SPIRE1: variants seen among roughly 807,000 people sequenced by gnomAD.
The protein encoded by SPIRE1 is spire type actin nucleation factor 1.
SPIRE1 carries 40 observed loss-of-function variants against 94.1 expected under a neutral mutation model. The ratio of observed to expected loss-of-function variants is 0.43; its 90% CI spans 0.33 to 0.55. The LOEUF (loss-of-function observed/expected upper bound fraction) is 0.55, where lower values mean the gene tolerates loss of function less well. SPIRE1 is among the 20% of genes least tolerant of loss of function. SPIRE1 has a pLI of 0.06. For missense variants in SPIRE1, 838 were observed against 975.2 expected (o/e 0.86, Z 1.87); for synonymous variants, 376 against 371.7 (o/e 1.01, Z -0.13).
intron 8 of SPIRE1, among the ~76,000 whole-genome samples, chr18:12,491,413 C>T (rs1377540904): frequency 6.6e-6 from 1 of 151,792 alleles, no homozygotes; most frequent in South Asian, 2.1e-4. Context: ...GTTACAATAA[C>T]AAAAACAGCA....
intron 2 of SPIRE1, among the ~76,000 whole-genome samples, chr18:12,607,598 C>CACACAT (rs1156474537): frequency 7.9e-3 from 69 of 8,750 alleles, no homozygotes; most frequent in African/African-American, 0.016. Context: ...CACAGCACTA[C>CACACAT]ACACACACAC....
chr18:12,499,159 A>G (rs2033567985), intron 6 of SPIRE1, among the ~76,000 whole-genome samples: 1 of 152,202 alleles, frequency 6.6e-6, no homozygotes. Context: ...AGTGACTGAT[A>G]TTGGTCCCCT....
At chr18:12,659,628 C>T (rs920317501), upstream of SPIRE1, among the ~76,000 whole-genome samples, 1 of 152,102 alleles carries the variant, frequency 6.6e-6, no homozygotes, top group Non-Finnish European at 1.5e-5. Flanking sequence ...CAAGATCACA[C>T]CACTGCACTC....
chr18:12,535,572 T>C lies in SPIRE1; in HGVS notation c.633A>G (p.Ser211=). ...CTGCCTGATAATGATTTGGTGCATC[T>C]GATTCAGTAGGGAGATGAGCAGCAC... The part of the protein sequence containing the change: ...KLCAAHLPTE[S]DAPNHYQAVC... Residue 211 remains serine (S), a synonymous_variant, in exon 4 of 17, where the codon TCA becomes TCG. Transcript: ENST00000409402. 3 of 1,613,108 alleles carry C rather than the reference T, an allele frequency of 1.9e-6. No homozygotes were observed. The highest frequency in any genetic ancestry group is 1.1e-5 in the South Asian group (1 of 91,064).
At chr18:12,589,632 A>G (rs1019898775) in intron 2 of SPIRE1, among the ~76,000 whole-genome samples, 2 of 152,194 alleles carry the variant, frequency 1.3e-5, no homozygotes, top group Admixed American at 6.5e-5. Context: ...TTTCTAAAAA[A>G]ATCTTCTGTG....
chr18:12,469,918 T>A (rs1433502555), intron 10 of SPIRE1, among the ~76,000 whole-genome samples: 3 of 151,560 alleles, frequency 2.0e-5, no homozygotes, highest in East Asian at 3.9e-4. Flanking sequence ...GAAAACCACA[T>A]AACATATTAA....
chr18:12,486,475 A>C (rs2033045932), intron 8 of SPIRE1, among the ~76,000 whole-genome samples: 1 of 152,196 alleles, frequency 6.6e-6, no homozygotes. Flanking sequence ...TTCTCAGTTC[A>C]GCTAGTTCAG....
chr18:12,618,866 G>C (rs2037384281), intron 2 of SPIRE1, among the ~76,000 whole-genome samples: 1 of 149,382 alleles, frequency 6.7e-6, no homozygotes, highest in Non-Finnish European at 1.5e-5. Context: ...CCACCCGCCA[G>C]CTCTGAGCCC....
At chr18:12,658,340 A>G (rs567849664), upstream of SPIRE1, 4 of 431,882 alleles carry the variant, frequency 9.3e-6, no homozygotes, top group Non-Finnish European at 1.8e-5. Flanking sequence ...CTGGGGGCGC[A>G]ATGGTGAGGG....
At chr18:12,454,599 CA>C in intron 12 of SPIRE1, 116 bp from the exon 13 acceptor site, 1 of 924,598 alleles carries the variant, frequency 1.1e-6, no homozygotes, top group East Asian at 2.4e-5. Context: ...ACAGGTTTCC[CA>C]ATGACCACTG....
chr18:12,655,548 A>G (rs974447046), intron 1 of SPIRE1, among the ~76,000 whole-genome samples: 92 of 152,326 alleles, frequency 6.0e-4, no homozygotes, highest in African/African-American at 2.1e-3. Context: ...CAGAACTGAG[A>G]AAGAGAATTA....
chr18:12,610,489 A>T (rs998576892), intron 2 of SPIRE1, among the ~76,000 whole-genome samples: 2 of 152,160 alleles, frequency 1.3e-5, no homozygotes, highest in Non-Finnish European at 2.9e-5. Flanking sequence ...TCTAAGATCA[A>T]ACATTGTAAT....
chr18:12,615,099 C>T (rs902399883), intron 2 of SPIRE1, among the ~76,000 whole-genome samples: 2 of 150,800 alleles, frequency 1.3e-5, no homozygotes, highest in Admixed American at 6.6e-5. Flanking sequence ...CTGAGGCATG[C>T]GGATCACCTG....
At chr18:12,658,896 G>T, upstream of SPIRE1, 1 of 275,382 alleles carries the variant, frequency 3.6e-6, no homozygotes, top group Non-Finnish European at 7.3e-6. Context: ...GCGTCCTTCC[G>T]GATTCATTTG....
intron 2 of SPIRE1, among the ~76,000 whole-genome samples, chr18:12,622,780 T>C (rs1436378071): frequency 4.6e-5 from 7 of 152,200 alleles, no homozygotes; most frequent in Admixed American, 6.5e-5. Context: ...TTGTCTTTCC[T>C]ACATTTTCTT....
At chr18:12,645,419 C>T (rs901285166) in intron 1 of SPIRE1, among the ~76,000 whole-genome samples, 2 of 152,172 alleles carry the variant, frequency 1.3e-5, no homozygotes, top group African/African-American at 4.8e-5. Flanking sequence ...TACCCTGTCA[C>T]CCAAGCACCC....
intron 10 of SPIRE1, among the ~76,000 whole-genome samples, chr18:12,470,176 A>G (rs186369447): frequency 6.6e-6 from 1 of 152,062 alleles, no homozygotes; most frequent in East Asian, 1.9e-4. Context: ...CGAACTCCTT[A>G]GCCTCAAGTG....
chr18:12,553,991 C>T (rs1198146424), intron 2 of SPIRE1, among the ~76,000 whole-genome samples: 6 of 151,944 alleles, frequency 3.9e-5, no homozygotes, highest in East Asian at 1.9e-4. Flanking sequence ...AAATCAAAGA[C>T]GTAAAAGGAG....
chr18:12,635,576 C>A (rs1247670498), intron 1 of SPIRE1, among the ~76,000 whole-genome samples: 1 of 152,046 alleles, frequency 6.6e-6, no homozygotes, highest in African/African-American at 2.4e-5. Flanking sequence ...GACTGTTTTT[C>A]TTTAATATAT....
Sources: gnomAD v4.1 joint callset for allele counts (sites outside exome capture counted in the v4.1 genomes callset) on GRCh38, gnomAD v4.1.1 for gene constraint, MANE v1.5 for transcripts, NCBI Gene and HGNC (gene_info 2026-07-23, HGNC 2026-07-21) for gene names.